CTNNA3: variants seen among roughly 807,000 people sequenced by gnomAD.
CTNNA3 encodes catenin alpha 3.
In CTNNA3, 76 loss-of-function variants were observed where a neutral mutation model predicts 95.7. The ratio of observed to expected loss-of-function variants is 0.79; its 90% CI spans 0.66 to 0.96. CTNNA3 has a LOEUF of 0.96. Among genes scored for constraint, CTNNA3 ranks in the 40% least tolerant of loss-of-function variants. The probability of loss-of-function intolerance (pLI) is 0.00; values close to 1 mark genes in which losing one functional copy is unlikely to be tolerated. For missense variants in CTNNA3, 1,191 were observed against 1,089.8 expected (o/e 1.09, Z -1.31); for synonymous variants, 431 against 374.4 (o/e 1.15, Z -1.74).
intron 12 of CTNNA3, among the ~76,000 whole-genome samples, chr10:66,364,995 A>G (rs1247018904): frequency 6.6e-6 from 1 of 152,130 alleles, no homozygotes; most frequent in East Asian, 1.9e-4. Context: ...TGTGCATTGT[A>G]TTATTCATCC....
chr10:67,160,112 T>A (rs1251518249), intron 7 of CTNNA3, among the ~76,000 whole-genome samples: 1 of 151,998 alleles, frequency 6.6e-6, no homozygotes, highest in African/African-American at 2.4e-5. Context: ...TCAGAGTATA[T>A]GAAAAAATGT....
chr10:66,453,764 T>C (rs2093479242), intron 11 of CTNNA3, among the ~76,000 whole-genome samples: 1 of 152,180 alleles, frequency 6.6e-6, no homozygotes, highest in African/African-American at 2.4e-5. Flanking sequence ...CTTAAGCATG[T>C]TGATTGCCTG....
At chr10:67,691,989 G>A (rs1760929867) in intron 1 of CTNNA3, among the ~76,000 whole-genome samples, 1 of 148,696 alleles carries the variant, frequency 6.7e-6, no homozygotes, top group Non-Finnish European at 1.5e-5. Context: ...GGGAAGTGAG[G>A]GGCGCCTCTG....
intron 7 of CTNNA3, among the ~76,000 whole-genome samples, chr10:67,036,678 G>C (rs531508139): frequency 2.6e-5 from 4 of 152,150 alleles, no homozygotes; most frequent in African/African-American, 7.2e-5. Flanking sequence ...ATTTTTAAGA[G>C]TATACTTTTT....
intron 5 of CTNNA3, among the ~76,000 whole-genome samples, chr10:67,344,539 G>C (rs1004317486): frequency 1.3e-5 from 2 of 152,008 alleles, no homozygotes; most frequent in Non-Finnish European, 2.9e-5. Flanking sequence ...GTATTGATCT[G>C]TTCAGGTTTT....
intron 5 of CTNNA3, among the ~76,000 whole-genome samples, chr10:67,227,707 T>C (rs567889365): frequency 6.6e-6 from 1 of 152,258 alleles, no homozygotes; most frequent in East Asian, 1.9e-4. Context: ...TTAACAGATA[T>C]ATACAGAACA....
intron 15 of CTNNA3, among the ~76,000 whole-genome samples, chr10:65,990,948 A>G (rs2078533390): frequency 6.6e-6 from 1 of 152,026 alleles, no homozygotes; most frequent in Admixed American, 6.6e-5. Context: ...ATATGGTGAG[A>G]GATAGGTGGC....
chr10:67,751,418 C>T (rs192024902), intron 1 of CTNNA3, among the ~76,000 whole-genome samples: 2 of 152,130 alleles, frequency 1.3e-5, no homozygotes, highest in Non-Finnish European at 2.9e-5. Flanking sequence ...CAGAGTATCA[C>T]AGAAAAGCAT....
intron 11 of CTNNA3, among the ~76,000 whole-genome samples, chr10:66,430,341 T>C (rs12244781): frequency 0.12 from 17,767 of 152,092 alleles, 1,504 homozygotes; most frequent in African/African-American, 0.24. Flanking sequence ...AGGTAATTTA[T>C]AGATTCAATG....
chr10:66,691,442 A>G (rs2132537771), intron 9 of CTNNA3, among the ~76,000 whole-genome samples: 1 of 152,314 alleles, frequency 6.6e-6, no homozygotes, highest in South Asian at 2.1e-4. Flanking sequence ...TGCTTAGGTA[A>G]ACAAAGCATC....
intron 12 of CTNNA3, among the ~76,000 whole-genome samples, chr10:66,352,495 G>T (rs1430717141): frequency 2.0e-5 from 3 of 152,124 alleles, no homozygotes; most frequent in African/African-American, 7.2e-5. Context: ...AAAGATGAAG[G>T]AAAACAGTGG....
At chr10:66,678,818 CAT>C (rs1327562125) in intron 9 of CTNNA3, among the ~76,000 whole-genome samples, 3 of 151,974 alleles carry the variant, frequency 2.0e-5, no homozygotes, top group African/African-American at 7.2e-5. Context: ...GGGGGAAAAA[CAT>C]GTGTATGAGA....
At chr10:67,051,463 C>CT (rs11334360) in intron 7 of CTNNA3, among the ~76,000 whole-genome samples, 36 of 129,772 alleles carry the variant, frequency 2.8e-4, no homozygotes, top group African/African-American at 7.1e-4. Context: ...TTTCTTTTTT[C>CT]TTTTTTTTTT....
At chr10:66,160,089 T>G (rs2084763304) in intron 13 of CTNNA3, among the ~76,000 whole-genome samples, 1 of 152,126 alleles carries the variant, frequency 6.6e-6, no homozygotes, top group Non-Finnish European at 1.5e-5. Context: ...TTAATCTTGC[T>G]GATGGTTTAT....
intron 7 of CTNNA3, among the ~76,000 whole-genome samples, chr10:67,127,866 CTG>C (rs1488592355): frequency 7.5e-6 from 1 of 133,874 alleles, no homozygotes; most frequent in Non-Finnish European, 1.7e-5. Flanking sequence ...CTTTATAATT[CTG>C]TGTGTGTGTC....
At chr10:66,714,122 T>C (rs117630277) in intron 9 of CTNNA3, among the ~76,000 whole-genome samples, 305 of 152,176 alleles carry the variant, frequency 2.0e-3, no homozygotes, top group Non-Finnish European at 3.5e-3. Context: ...ATCGTGATGG[T>C]GTATTGACTG....
At chr10:66,985,419 G>A (rs1850673447) in intron 7 of CTNNA3, among the ~76,000 whole-genome samples, 1 of 152,100 alleles carries the variant, frequency 6.6e-6, no homozygotes, top group Non-Finnish European at 1.5e-5. Flanking sequence ...ACAGGAACCT[G>A]GCCTTAGGTA....
chr10:65,987,123 C>T (rs1272090803), intron 16 of CTNNA3, among the ~76,000 whole-genome samples: 1 of 151,896 alleles, frequency 6.6e-6, no homozygotes, highest in Non-Finnish European at 1.5e-5. Context: ...GGCTTCAGGA[C>T]ATTGATTTTG....
intron 7 of CTNNA3, among the ~76,000 whole-genome samples, chr10:66,794,726 G>A (rs1007899318): frequency 3.3e-5 from 5 of 152,068 alleles, no homozygotes; most frequent in African/African-American, 1.2e-4. Flanking sequence ...ATATTTGAGA[G>A]TTTTTTACTA....
Sources: gnomAD v4.1 joint callset for allele counts (sites outside exome capture counted in the v4.1 genomes callset) on GRCh38, gnomAD v4.1.1 for gene constraint, MANE v1.5 for transcripts, NCBI Gene and HGNC (gene_info 2026-07-23, HGNC 2026-07-21) for gene names.